Variants in ZNF841 observed in about 807,000 individuals in gnomAD.
ZNF841 encodes TCONS_00006091.
A neutral mutation model predicts 13.0 loss-of-function variants in ZNF841; 11 were observed. The observed-to-expected ratio is 0.85, with a 90% CI of 0.53 to 1.40. The LOEUF is 1.40. Ranked by LOEUF, ZNF841 falls within the 40% of genes most tolerant of loss-of-function variation. The pLI is 0.00. For synonymous variants in ZNF841, 369 were observed against 381.6 expected (o/e 0.97, Z 0.38); for missense variants, 1,068 against 1,139.5 (o/e 0.94, Z 0.90).
rs61743893 is a variant in ZNF841 at position 52,065,169 on chromosome 19, T to G, written c.2713A>C (p.Thr905Pro). Residue 905 changes from threonine to proline, a missense_variant, in exon 7 of 7, where the codon ACA (threonine) becomes CCA (proline). Physicochemically the swap from Thr to Pro is conservative, Grantham distance 38. Transcript: ENST00000594440. ...HQIKHAGENL[T>P]TKLNVERPLD... ...GGCCTTTCCACATTGAGTTTAGTTG[T>G]AAGGTTCTCTCCAGCATGTTTTATC... 0.033 allele frequency: 51,864 copies of G among 1,586,130 alleles called. 1,765 individuals carry two copies. Among genetic ancestry groups the G allele is most frequent in the African/African-American group, 0.17 (12,537 of 73,992 alleles).
chr19:52,086,402 C>G (rs1351491818), intron 3 of ZNF841, among the ~76,000 whole-genome samples: 2 of 152,154 alleles, frequency 1.3e-5, no homozygotes, highest in Admixed American at 6.5e-5. Context: ...TGCTCCTGCT[C>G]CCGCCATGTG....
intron 6 of ZNF841, among the ~76,000 whole-genome samples, chr19:52,075,744 C>A (rs545361031): frequency 6.6e-6 from 1 of 152,176 alleles, no homozygotes; most frequent in African/African-American, 2.4e-5. Flanking sequence ...GGGAAAGAGA[C>A]TTCTTTGAAA....
intron 6 of ZNF841, 147 bp downstream of exon 6, chr19:52,075,897 G>T: frequency 8.5e-7 from 1 of 1,175,680 alleles, no homozygotes; most frequent in Non-Finnish European, 1.2e-6. Context: ...ATACGTGTCT[G>T]GAAAGCAAAG....
downstream of ZNF841, among the ~76,000 whole-genome samples, chr19:52,061,116 C>T (rs753523185): frequency 9.2e-5 from 14 of 152,050 alleles, no homozygotes; most frequent in Non-Finnish European, 1.6e-4. Context: ...GGGGGGATGC[C>T]CCAGGTAAAA....
At chr19:52,059,390 T>TATATATATATATATATATACAC in the ZNF841 span, among the ~76,000 whole-genome samples, 1 of 96,358 alleles carries the variant, frequency 1.0e-5, no homozygotes, top group Admixed American at 1.4e-4. Context: ...TATATATATA[T>TATATATATATATATATATACAC]ACACACACAC....
chr19:52,060,610 G>C (rs765410561), downstream of ZNF841, among the ~76,000 whole-genome samples: 74 of 151,982 alleles, frequency 4.9e-4, no homozygotes, highest in Non-Finnish European at 6.8e-4. Context: ...TAATTGAGGG[G>C]AACTGACTGG....
chr19:52,069,173 A>G (rs961186540), intron 6 of ZNF841, among the ~76,000 whole-genome samples: 1 of 152,142 alleles, frequency 6.6e-6, no homozygotes, highest in Non-Finnish European at 1.5e-5. Context: ...TCACAGGCTC[A>G]AGCGATCCTC....
chr19:52,076,300 C>T, intron 5 of ZNF841, 128 bp from the exon 6 acceptor site: 3 of 1,129,048 alleles, frequency 2.7e-6, no homozygotes, highest in Non-Finnish European at 3.7e-6. Flanking sequence ...TGATTGCCTC[C>T]TTCTGAATGC....
chr19:52,068,668 C>CAA (rs1244178282), intron 6 of ZNF841, among the ~76,000 whole-genome samples: 112 of 90,200 alleles, frequency 1.2e-3, no homozygotes, highest in African/African-American at 1.9e-3. Context: ...AGAGCAGTCT[C>CAA]AAAAAAAAAA....
Position 52,064,798 on chromosome 19 carries a change from TA to T in ZNF841, c.*308del. The T allele has an allele frequency of 5.5e-6, 1 of 182,228 alleles. No homozygotes were observed. 11.3% of individuals were successfully genotyped at this position (182,228 alleles called of 1,614,324 possible). On this transcript the variant is annotated 3_prime_UTR_variant, in exon 7 of 7. Transcript: ENST00000594440. Reference sequence around the variant, plus strand: ...ACCAGTACCCGCCACGAAGCCCAGCTAATTTTTGTATTTTTGGCAGAAACAG... The same window carrying T: ...ACCAGTACCCGCCACGAAGCCCAGCTATTTTTGTATTTTTGGCAGAAACAG...
chr19:52,089,772 G>A (rs547014157), intron 2 of ZNF841, among the ~76,000 whole-genome samples: 8 of 152,176 alleles, frequency 5.3e-5, no homozygotes, highest in African/African-American at 1.9e-4. Context: ...CCACACTTGG[G>A]ACAGGTGCAC....
intron 6 of ZNF841, among the ~76,000 whole-genome samples, chr19:52,075,280 T>C (rs991290557): frequency 6.6e-6 from 1 of 152,114 alleles, no homozygotes; most frequent in Non-Finnish European, 1.5e-5. Flanking sequence ...AACACAGGAA[T>C]TGGATTGTGA....
chr19:52,063,358 T>A (rs755610485), downstream of ZNF841, among the ~76,000 whole-genome samples: 2 of 152,066 alleles, frequency 1.3e-5, no homozygotes, highest in African/African-American at 2.4e-5. Flanking sequence ...TTGATTTTTT[T>A]ATTTTTTTGA....
At chr19:52,063,410 C>A (rs985336178), downstream of ZNF841, among the ~76,000 whole-genome samples, 3 of 151,964 alleles carry the variant, frequency 2.0e-5, no homozygotes, top group African/African-American at 7.3e-5. Flanking sequence ...AGTACAATGG[C>A]GCAATCTCGG....
At chr19:52,076,284 A>G in intron 5 of ZNF841, 112 bp from the exon 6 acceptor site, 1 of 1,320,942 alleles carries the variant, frequency 7.6e-7, no homozygotes. Context: ...TCACAAACTC[A>G]TCCATTGATT....
At chr19:52,058,945 T>C in the ZNF841 span, 1 of 153,288 alleles carries the variant, frequency 6.5e-6, no homozygotes, top group African/African-American at 2.4e-5. Flanking sequence ...TTATACACTT[T>C]CCTAGAAATC....
chr19:52,073,952 G>A (rs930004692), intron 6 of ZNF841, among the ~76,000 whole-genome samples: 27 of 152,108 alleles, frequency 1.8e-4, no homozygotes. Flanking sequence ...CCACAATTAA[G>A]ATAGTAACTT....
chr19:52,068,442 C>T (rs982086075), intron 6 of ZNF841, among the ~76,000 whole-genome samples: 92 of 151,826 alleles, frequency 6.1e-4, no homozygotes, highest in African/African-American at 2.0e-3. Context: ...TTTGGGAGGC[C>T]GAGGTGGGTG....
downstream of ZNF841, among the ~76,000 whole-genome samples, chr19:52,061,326 A>T (rs1274810799): frequency 6.6e-6 from 1 of 152,162 alleles, no homozygotes; most frequent in Non-Finnish European, 1.5e-5. Context: ...TGAACTGCCC[A>T]GCCTGGAACA....
Sources: gnomAD v4.1 joint callset for allele counts (sites outside exome capture counted in the v4.1 genomes callset) on GRCh38, gnomAD v4.1.1 for gene constraint, MANE v1.5 for transcripts, NCBI Gene and HGNC (gene_info 2026-07-23, HGNC 2026-07-21) for gene names.